KNL1: variants seen among roughly 807,000 people sequenced by gnomAD.
KNL1 encodes the protein kinetochore scaffold 1.
KNL1 carries 66 observed loss-of-function variants against 201.3 expected under a neutral mutation model. The observed-to-expected ratio is 0.33, with a 90% CI of 0.27 to 0.40. The LOEUF (loss-of-function observed/expected upper bound fraction) is 0.40. Ranked by LOEUF, KNL1 falls within the 10% of genes least tolerant of loss-of-function variation. The probability of loss-of-function intolerance (pLI) is 1.00; values close to 1 mark genes in which losing one functional copy is unlikely to be tolerated. For synonymous variants in KNL1, 895 were observed against 899.2 expected (o/e 1.00, Z 0.08); for missense variants, 2,815 against 2,690.5 (o/e 1.05, Z -1.02).
At chr15:40,598,822 G>A (rs1029445093) in intron 1 of KNL1, among the ~76,000 whole-genome samples, 2 of 151,650 alleles carry the variant, frequency 1.3e-5, no homozygotes, top group East Asian at 1.9e-4. Flanking sequence ...ATTTGTTTTC[G>A]AGACAGGGTC....
chr15:40,620,830 A>G lies in KNL1; in HGVS notation c.566A>G (p.His189Arg). 1 of 1,604,220 alleles carries G rather than the reference A, an allele frequency of 6.2e-7. No individual in the cohort carries two copies. ...TCATTTCTAGCTAATTTAAAGCTTC[A>G]CACCGAGGACTCAAGAATGAAAAAA... is the stretch of plus-strand genomic sequence containing the variant. ...TTSFLANLKL[H>R]TEDSRMKKEV... Residue 189 changes from histidine to arginine, a missense_variant, in exon 10 of 26, where the codon CAC becomes CGC. By Grantham distance (29) the His-to-Arg change is conservative. Transcript: ENST00000399668.
chr15:40,650,170 T>A (rs765244799), intron 17 of KNL1, 131 bp from the exon 18 acceptor site: 111 of 618,086 alleles, frequency 1.8e-4, no homozygotes, highest in Non-Finnish European at 2.8e-4. Flanking sequence ...ACTTCTGAAC[T>A]TCCTACTACC....
Position 40,628,086 on chromosome 15 carries a change from C to A in KNL1, c.5393C>A (p.Thr1798Asn), listed in dbSNP as rs1328684476. 6.2e-7 allele frequency: 1 copy of A among 1,601,146 alleles called. No individual in the cohort carries two copies. Among genetic ancestry groups the A allele is most frequent in the Non-Finnish European group, 8.5e-7 (1 of 1,175,380 alleles). ...CAATTTCAGATTTTTGATCACCATA[C>A]TGAAGAGGATATAGATAAAAGTGCT... Reference protein sequence around the residue: ...TQDREIFDHHTEEDIDKSANS... With the variant: ...TQDREIFDHHNEEDIDKSANS... The change falls in exon 11 of 26, where the codon ACT becomes AAT. Residue 1798 changes from threonine to asparagine, a missense_variant. By Grantham distance (65) the Thr-to-Asn change is moderately conservative. This residue lies in a region of KNL1 where 2,464 missense variants were observed against 2,291.7 expected (regional missense o/e 1.08). Coordinates refer to ENST00000399668, the MANE Select transcript of KNL1 (RefSeq NM_144508.5).
chr15:40,623,531 C>G lies in KNL1; in HGVS notation c.3267C>G (p.Thr1089=), dbSNP rs1202629103. 1.9e-6 allele frequency: 3 copies of G among 1,613,264 alleles called. No homozygotes were observed. In the African/African-American group the frequency reaches 4.0e-5, roughly 22 times the overall value. ...ATCATAAAAATGATATGGATATTAC[C>G]CAGAGTTGTATGGTGGAAATAGATA... The part of the protein sequence containing the change: ...SENHKNDMDI[T]QSCMVEIDNE... Residue 1089 remains threonine, a synonymous_variant, in exon 10 of 26, where the codon ACC becomes ACG. Transcript: ENST00000399668.
At chr15:40,630,078 C>G (rs1235552122) in intron 13 of KNL1, among the ~76,000 whole-genome samples, 1 of 152,076 alleles carries the variant, frequency 6.6e-6, no homozygotes, top group Non-Finnish European at 1.5e-5. Flanking sequence ...GTAATCACAG[C>G]TACTCAAGAG....
Position 40,611,053 on chromosome 15 carries a change from T to C in KNL1, c.251-425T>C, listed in dbSNP as rs576012580. Among the ~76,000 whole-genome samples, 11 of 152,204 alleles carry C rather than the reference T, an allele frequency of 7.2e-5. No individual in the cohort carries two copies. The South Asian group carries it at 2.3e-3, about 32-fold the overall frequency. On this transcript the variant is annotated intron_variant, in intron 6 of 25. Transcript: ENST00000399668. ...GTGAGCCACCACGTCCAGCAGTTAATAATTTTTTTAAATGTTGTTAATGTC... is the reference window on the plus strand; with the variant it reads ...GTGAGCCACCACGTCCAGCAGTTAACAATTTTTTTAAATGTTGTTAATGTC...
rs371781839 is a variant in KNL1, at chr15:40,622,213, C to T, written c.1949C>T (p.Pro650Leu). ...KDKDWVLKIL[P>L]YLDKDSPQSA... ...AAAGATTGGGTTTTGAAGATTTTGCCCTACCTTGATAAAGATTCTCCTCAG... is the reference window on the plus strand; with the variant it reads ...AAAGATTGGGTTTTGAAGATTTTGCTCTACCTTGATAAAGATTCTCCTCAG... The change falls in exon 10 of 26, where the codon CCC (proline) becomes CTC (leucine). Residue 650 changes from proline (P) to leucine (L), a missense_variant. Pro to Leu is a moderately conservative substitution (Grantham distance 98). Around this residue, in one of 3 missense-constraint regions of KNL1, gnomAD observed 2,464 missense variants for 2,291.7 expected, o/e 1.08. Transcript: ENST00000399668. 8 of 1,613,914 alleles carry T rather than the reference C, an allele frequency of 5.0e-6. No individual in the cohort carries two copies. The highest frequency in any genetic ancestry group is 4.0e-5 in the African/African-American group (3 of 74,920).
intron 2 of KNL1, among the ~76,000 whole-genome samples, chr15:40,604,116 T>TATCATCATC (rs71104704): frequency 3.3e-4 from 50 of 149,542 alleles, no homozygotes; most frequent in African/African-American, 5.4e-4. Flanking sequence ...CTGTCTCACA[T>TATCATCATC]ATCATCATCA....
intron 14 of KNL1, 33 bp from the exon 15 acceptor site, chr15:40,644,964 C>A: frequency 7.2e-7 from 1 of 1,390,790 alleles, no homozygotes; most frequent in Non-Finnish European, 1.0e-6. Flanking sequence ...CTTTCTTTTC[C>A]CTACAGTGCT....
chr15:40,625,195 A>C lies in KNL1; in HGVS notation c.4931A>C (p.Lys1644Thr). 3 of 1,613,938 alleles carry C rather than the reference A, an allele frequency of 1.9e-6. No homozygotes were observed. Among genetic ancestry groups the C allele is most frequent in the Non-Finnish European group, 2.5e-6 (3 of 1,179,938 alleles). The change falls in exon 10 of 26, where the codon AAA becomes ACA. Residue 1644 changes from lysine (K) to threonine (T), a missense_variant. Coordinates refer to ENST00000399668, the MANE Select transcript of KNL1 (RefSeq NM_144508.5). The part of the protein sequence containing the change: ...SLPPKTVFKD[K>T]VRRCSLGIFL... ...CCGCCAAAGACAGTTTTTAAAGATA[A>C]AGTAAGGAGATGTTCTTTGGGAATC...
intron 3 of KNL1, among the ~76,000 whole-genome samples, chr15:40,606,014 A>G (rs771134062): frequency 6.6e-6 from 1 of 152,222 alleles, no homozygotes; most frequent in Non-Finnish European, 1.5e-5. Flanking sequence ...GAAAACAGAA[A>G]AGACTCAGAA....
At chr15:40,603,861 A>G (rs1340791563) in intron 2 of KNL1, among the ~76,000 whole-genome samples, 1 of 152,232 alleles carries the variant, frequency 6.6e-6, no homozygotes, top group African/African-American at 2.4e-5. Flanking sequence ...ATGCAAATTA[A>G]GAGGTGTTTT....
At chr15:40,635,977 G>A (rs115181210) in intron 13 of KNL1, among the ~76,000 whole-genome samples, 2,117 of 152,154 alleles carry the variant, frequency 0.014, 51 homozygotes, top group African/African-American at 0.048. Flanking sequence ...GCTGGGGATT[G>A]CAGGCACCTA....
chr15:40,627,212 A>G (rs1892779531), intron 10 of KNL1, among the ~76,000 whole-genome samples: 1 of 152,224 alleles, frequency 6.6e-6, no homozygotes, highest in Non-Finnish European at 1.5e-5. Context: ...TAGCATTTAC[A>G]TAAAAGAATA....
chr15:40,628,533 A>G lies in KNL1; in HGVS notation c.5516-78A>G, dbSNP rs569501922. 1.4e-3 allele frequency: 1,421 copies of G among 1,018,204 alleles called. 8 individuals are homozygous for G. Among genetic ancestry groups the G allele is most frequent in the Middle Eastern group, 3.8e-3 (18 of 4,796 alleles). The allele number at this position is 1,018,204 out of a possible 1,614,324, so 63.1% of individuals were successfully genotyped here. ...CCAATGGGTAGCTTCAGGATCAGAA[A>G]CAATCTGAATGATAACCACAATTAA... On this transcript the variant is annotated intron_variant, in intron 11 of 25. Transcript: ENST00000399668.
intron 16 of KNL1, chr15:40,646,693 T>TA (rs1893393851): frequency 5.4e-6 from 1 of 186,728 alleles, no homozygotes; most frequent in African/African-American, 2.4e-5. Flanking sequence ...CCATCTCTAC[T>TA]AAAAATACAA....
At chr15:40,655,617 A>T (rs1308044589) in intron 22 of KNL1, among the ~76,000 whole-genome samples, 3 of 149,034 alleles carry the variant, frequency 2.0e-5, no homozygotes, top group Non-Finnish European at 3.0e-5. Context: ...AAAAAGATTT[A>T]AAAAAAATTA....
intron 25 of KNL1, among the ~76,000 whole-genome samples, chr15:40,661,165 T>A (rs12913697): frequency 1.3e-5 from 2 of 151,192 alleles, no homozygotes; most frequent in Non-Finnish European, 2.9e-5. Context: ...CTTGAGGCCA[T>A]GAGTTTGACA....
chr15:40,603,859 T>A (rs1282630098), intron 2 of KNL1, among the ~76,000 whole-genome samples: 1 of 152,136 alleles, frequency 6.6e-6, no homozygotes, highest in African/African-American at 2.4e-5. Flanking sequence ...ATATGCAAAT[T>A]AAGAGGTGTT....
Sources: gnomAD v4.1 joint callset for allele counts (sites outside exome capture counted in the v4.1 genomes callset) on GRCh38, gnomAD v4.1.1 for gene constraint, gnomAD v4.1.1 regional missense constraint, MANE v1.5 for transcripts, NCBI Gene and HGNC (gene_info 2026-07-23, HGNC 2026-07-21) for gene names.